The following CELSR1 variants were observed in gnomAD, a reference collection of about 807,000 sequenced individuals.
The protein encoded by CELSR1 is adhesion G protein-coupled receptor C1.
In CELSR1, 110 loss-of-function variants were observed where a neutral mutation model predicts 249.1. The ratio of observed to expected loss-of-function variants is 0.44; its 90% CI spans 0.38 to 0.52. CELSR1 has a LOEUF of 0.52. CELSR1 is among the 20% of genes least tolerant of loss of function. CELSR1 has a pLI of 0.00. For synonymous variants in CELSR1, 2,113 were observed against 1,900.0 expected, an observed-to-expected ratio of 1.11 and a Z score of -2.92; for missense variants, 4,109 against 4,296.4, an observed-to-expected ratio of 0.96 and a Z score of 1.22.
chr22:46,468,242 T>C lies in CELSR1; in HGVS notation c.3545-3897A>G, dbSNP rs1441785951. On this transcript the variant is annotated intron_variant, in intron 1 of 34. Coordinates refer to ENST00000674500, the MANE Select transcript of CELSR1 (RefSeq NM_001378328.1). The surrounding 1 kb of genome is among the most constrained non-coding windows in gnomAD (Gnocchi z 4.5). ...CTCTACTAAAAATACAAAAATTAGC[T>C]GGGCGTGGTGGTGCATGCCTGTAAT... Among the ~76,000 whole-genome samples, 1 of 151,828 alleles carries C rather than the reference T, an allele frequency of 6.6e-6. No homozygotes were observed. The highest frequency in any genetic ancestry group is 2.4e-5 in the African/African-American group (1 of 41,344).
At chr22:46,485,612 C>A (rs1035745897) in intron 1 of CELSR1, among the ~76,000 whole-genome samples, 1 of 152,200 alleles carries the variant, frequency 6.6e-6, no homozygotes, top group Non-Finnish European at 1.5e-5. Flanking sequence ...TCCAAATTGC[C>A]GAGGAGCAAA....
At chr22:46,460,213 A>ACC (rs2080008493) in intron 2 of CELSR1, among the ~76,000 whole-genome samples, 1 of 103,416 alleles carries the variant, frequency 9.7e-6, no homozygotes, top group Non-Finnish European at 2.2e-5. Flanking sequence ...ACACACACAC[A>ACC]CACCCATTAG....
Position 46,471,772 on chromosome 22 carries a change from C to G in CELSR1, c.3545-7427G>C, listed in dbSNP as rs1335548761. ...GCCTGTTCTCTCTGCAGATTTCCCT[C>G]ATTTCCACCCACTGTCCTCTCCTGT... is the stretch of plus-strand genomic sequence containing the variant. On this transcript the variant is annotated intron_variant, in intron 1 of 34. Transcript: ENST00000674500. The surrounding 1 kb of genome is among the most constrained non-coding windows in gnomAD (Gnocchi z 4.9). 6.6e-6 allele frequency among the ~76,000 whole-genome samples: 1 copy of G among 152,116 alleles called. No homozygotes were observed. The highest frequency in any genetic ancestry group is 1.5e-5 in the Non-Finnish European group (1 of 68,012).
At position 46,448,239 on chromosome 22, in the gene CELSR1, T is replaced by C. The variant is rs2079842969; in HGVS notation, c.4184-8828A>G. On this transcript the variant is annotated intron_variant, in intron 2 of 34. Transcript: ENST00000674500. This position sits in a 1 kb window ranked among gnomAD's most constrained non-coding sequence, Gnocchi z 5.7. ...GGTCTCCACATCATTACATGGAGAC[T>C]CTGGCAGGGGGCTGGACACAAGCCC... Among the ~76,000 whole-genome samples, 2 of 152,102 alleles carry C rather than the reference T, an allele frequency of 1.3e-5. No homozygotes were observed. The highest frequency in any genetic ancestry group is 2.1e-4 in the South Asian group (1 of 4,830).
At chr22:46,477,417 C>A (rs756237827) in intron 1 of CELSR1, among the ~76,000 whole-genome samples, 1 of 152,198 alleles carries the variant, frequency 6.6e-6, no homozygotes. Context: ...AAACGTCTGA[C>A]CACAAGAAAC....
intron 1 of CELSR1, among the ~76,000 whole-genome samples, chr22:46,502,654 G>A (rs1262196865): frequency 1.3e-5 from 2 of 152,146 alleles, no homozygotes; most frequent in Non-Finnish European, 2.9e-5. Flanking sequence ...ACAAATCCCT[G>A]TGAAATTGGT....
chr22:46,514,452 G>A lies in CELSR1; in HGVS notation c.3544+19175C>T, dbSNP rs553435113. Among the ~76,000 whole-genome samples the A allele has an allele frequency of 4.6e-5, 7 of 152,238 alleles. No homozygotes were observed. In the East Asian group the frequency reaches 5.8e-4, roughly 13 times the overall value. ...CAGGTCCACCTGCACTCTGATCCCC[G>A]GGGGCCCAAGGCCACACACCTCTGG... On this transcript the variant is annotated intron_variant, in intron 1 of 34. Transcript: ENST00000674500.
Position 46,535,697 on chromosome 22 carries a change from C to T in CELSR1, c.1474G>A (p.Ala492Thr). Residue 492 changes from alanine (A) to threonine (T), a missense_variant, in exon 1 of 35, where the codon GCG (alanine) becomes ACG (threonine). Transcript: ENST00000674500. The stretch of plus-strand genomic sequence containing the variant: ...CTGAGGATGCTGTAGTGAATGGCCG[C>T]GTTCTGGCCCTGGTCCCGGTCCGTG... ...QATDRDQGQN[A>T]AIHYSILSGN... 3.7e-6 allele frequency: 6 copies of T among 1,612,994 alleles called. No homozygotes were observed. The highest frequency in any genetic ancestry group is 5.1e-6 in the Non-Finnish European group (6 of 1,180,020).
chr22:46,366,567 CCCCACA>C (rs1569104384), intron 29 of CELSR1, 87 bp from the exon 30 acceptor site: 4 of 1,091,532 alleles, frequency 3.7e-6, no homozygotes, highest in African/African-American at 3.1e-5. Context: ...ACGGCAAGCC[CCCCACA>C]CCCACACCCT....
At position 46,364,229 on chromosome 22, in the gene CELSR1, G is replaced by A. The variant is rs772884151; in HGVS notation, c.8802C>T (p.Thr2934=). 5 of 1,609,650 alleles carry A rather than the reference G, an allele frequency of 3.1e-6. No individual in the cohort carries two copies. The East Asian group carries it at 8.9e-5, about 29-fold the overall frequency. ...QRKGILKNKV[T]YPPPLTLTEQ... Reference sequence around the variant, plus strand: ...CCGTCAGCGTCAGCGGCGGCGGGTAGGTGACTTTATTTTTCAAGATGCCTG... The same window carrying A: ...CCGTCAGCGTCAGCGGCGGCGGGTAAGTGACTTTATTTTTCAAGATGCCTG... The change falls in exon 34 of 35, where the codon ACC becomes ACT. Residue 2934 remains threonine (T), a synonymous_variant. Coordinates refer to ENST00000674500, the MANE Select transcript of CELSR1 (RefSeq NM_001378328.1).
chr22:46,404,984 C>T (rs2079249788), intron 9 of CELSR1, among the ~76,000 whole-genome samples: 1 of 151,682 alleles, frequency 6.6e-6, no homozygotes. Flanking sequence ...ACCACCACAC[C>T]CAGCTAATTT....
At chr22:46,474,447 G>A (rs6008860) in intron 1 of CELSR1, among the ~76,000 whole-genome samples, 108,050 of 151,936 alleles carry the variant, frequency 0.71, 38,461 homozygotes, top group East Asian at 0.85. Context: ...CACCCCCGGC[G>A]GCCAGCACCC....
At position 46,362,925 on chromosome 22, in the gene CELSR1, G is replaced by A. The variant is rs569492555; in HGVS notation, c.*298C>T. On this transcript the variant is annotated 3_prime_UTR_variant, in exon 35 of 35. Transcript: ENST00000674500. Reference sequence around the variant, plus strand: ...CCTCTCAGTTCTGGCTTTGACTGCAGTCTTAGGACTCAGCGGTGCTGGCCC... The same window carrying A: ...CCTCTCAGTTCTGGCTTTGACTGCAATCTTAGGACTCAGCGGTGCTGGCCC... 4.5e-5 allele frequency: 25 copies of A among 561,296 alleles called. No individual in the cohort carries two copies. The highest frequency in any genetic ancestry group is 1.2e-4 in the Admixed American group (4 of 32,732). 34.8% of individuals were successfully genotyped at this position (561,296 alleles called of 1,614,324 possible).
chr22:46,395,380 C>T lies in CELSR1; in HGVS notation c.5844-1118G>A, dbSNP rs1235826148. 2.6e-5 allele frequency among the ~76,000 whole-genome samples: 4 copies of T among 152,222 alleles called. No individual in the cohort carries two copies. The highest frequency in any genetic ancestry group is 4.2e-4 in the South Asian group (2 of 4,816). On this transcript the variant is annotated intron_variant, in intron 13 of 34. Transcript: ENST00000674500. This position sits in a 1 kb window ranked among gnomAD's most constrained non-coding sequence, Gnocchi z 5.5. Reference sequence around the variant, plus strand: ...ACAGCCGAATTCTGTTCCTGGCTTGCGGGCCCACCTCTGTCCCCACCCAGG... The same window carrying T: ...ACAGCCGAATTCTGTTCCTGGCTTGTGGGCCCACCTCTGTCCCCACCCAGG...
In CELSR1 at chr22:46,535,277, T is replaced by C. The variant is rs2080839881; in HGVS notation, c.1894A>G (p.Ile632Val). 6.2e-7 allele frequency: 1 copy of C among 1,610,744 alleles called. No homozygotes were observed. The highest frequency in any genetic ancestry group is 2.2e-5 in the East Asian group (1 of 44,858). The part of the protein sequence containing the change: ...PAPTPDFPFQ[I>V]HNSSGWITVC... ...GTGATCCAACCGGAGCTGTTGTGGA[T>C]CTGGAAGGGGAAGTCAGGGGTGGGG... The change falls in exon 1 of 35, where the codon ATC (isoleucine) becomes GTC (valine). Residue 632 changes from isoleucine to valine, a missense_variant. By Grantham distance (29) the Ile-to-Val change is conservative (BLOSUM62 3). Around this residue, in one of 7 missense-constraint regions of CELSR1, gnomAD observed 886 missense variants for 896.5 expected, o/e 0.99. Coordinates refer to ENST00000674500, the MANE Select transcript of CELSR1 (RefSeq NM_001378328.1).
intron 2 of CELSR1, among the ~76,000 whole-genome samples, chr22:46,458,410 G>A (rs1213860016): frequency 6.6e-6 from 1 of 152,218 alleles, no homozygotes; most frequent in Non-Finnish European, 1.5e-5. Context: ...TGGCAGGGAG[G>A]GCAGGAGAAG....
At chr22:46,509,236 C>A (rs2080547575) in intron 1 of CELSR1, among the ~76,000 whole-genome samples, 1 of 152,166 alleles carries the variant, frequency 6.6e-6, no homozygotes, top group Non-Finnish European at 1.5e-5. Context: ...CAAGGGGGTG[C>A]AGACCTGCAA....
intron 14 of CELSR1, among the ~76,000 whole-genome samples, chr22:46,392,912 C>A (rs1371368369): frequency 6.6e-6 from 1 of 152,178 alleles, no homozygotes; most frequent in Non-Finnish European, 1.5e-5. Context: ...ATGCACTCCC[C>A]ATGTTCTCTC....
Position 46,391,082 on chromosome 22 carries a change from A to T in CELSR1, c.6250+104T>A, listed in dbSNP as rs2079085292. On this transcript the variant is annotated intron_variant, in intron 16 of 34. Coordinates refer to ENST00000674500, the MANE Select transcript of CELSR1 (RefSeq NM_001378328.1). The surrounding 1 kb of genome is among the most constrained non-coding windows in gnomAD (Gnocchi z 4.3). The stretch of plus-strand genomic sequence containing the variant: ...TTTCTCCCCAGCACTTTGCCTGCGG[A>T]TATTTTTTCAACACGAAACATTCCA... 2.2e-6 allele frequency: 2 copies of T among 923,612 alleles called. No homozygotes were observed. Among genetic ancestry groups the T allele is most frequent in the South Asian group, 3.1e-5 (2 of 64,350 alleles). The allele number at this position is 923,612 out of a possible 1,614,324, so 57.2% of individuals were successfully genotyped here.
Sources: gnomAD v4.1 joint callset for allele counts (sites outside exome capture counted in the v4.1 genomes callset) on GRCh38, gnomAD v4.1.1 for gene constraint, gnomAD v4.1.1 regional missense constraint, Gnocchi (gnomAD v3.1) non-coding constraint, MANE v1.5 for transcripts, NCBI Gene and HGNC (gene_info 2026-07-23, HGNC 2026-07-21) for gene names.